The following HHEX variants were observed in gnomAD, a reference collection of about 807,000 sequenced individuals.
HHEX encodes the protein hematopoietically-expressed homeobox protein HHEX.
HHEX carries 8 observed loss-of-function variants against 27.0 expected under a neutral mutation model. The observed-to-expected ratio is 0.30, with a 90% CI of 0.17 to 0.54. The LOEUF (loss-of-function observed/expected upper bound fraction) is 0.54, where lower values mean the gene tolerates loss of function less well. Ranked by LOEUF, HHEX falls within the 20% of genes least tolerant of loss-of-function variation. The pLI is 0.95. For missense variants in HHEX, 326 were observed against 357.2 expected, an observed-to-expected ratio of 0.91 and a Z score of 0.70; for synonymous variants, 164 against 161.5, an observed-to-expected ratio of 1.02 and a Z score of -0.12.
At position 92,692,729 on chromosome 10, in the gene HHEX, G is replaced by T. The variant is rs1845370642; in HGVS notation, c.568G>T (p.Ala190Ser). Residue 190 changes from alanine to serine, a missense_variant, in exon 3 of 4, where the codon GCT (alanine) becomes TCT (serine). By Grantham distance (99) the Ala-to-Ser change is moderately conservative. Around this residue, in one of 4 missense-constraint regions of HHEX, gnomAD observed 3 missense variants for 21.1 expected, o/e 0.14. Transcript: ENST00000282728. ...QVKTWFQNRR[A>S]KWRRLKQENP... ...CAAAACCTGGTTTCAGAATCGACGCGCTAAATGGAGGAGACTAAAACAGGT... is the reference window on the plus strand; with the variant it reads ...CAAAACCTGGTTTCAGAATCGACGCTCTAAATGGAGGAGACTAAAACAGGT... 4 of 1,613,806 alleles carry T rather than the reference G, an allele frequency of 2.5e-6. No homozygotes were observed. The highest frequency in any genetic ancestry group is 3.4e-6 in the Non-Finnish European group (4 of 1,179,802).
intron 1 of HHEX, among the ~76,000 whole-genome samples, chr10:92,690,568 G>A (rs1845343712): frequency 3.9e-5 from 6 of 152,116 alleles, no homozygotes; most frequent in Admixed American, 3.9e-4. Context: ...CGGGGCGCGC[G>A]GGCCGGCGGT....
In HHEX at chr10:92,689,969, C is replaced by T. The variant is rs1054029496; in HGVS notation, c.-18C>T. 1.0e-5 allele frequency: 14 copies of T among 1,347,992 alleles called. No homozygotes were observed. Among genetic ancestry groups the T allele is most frequent in the Admixed American group, 4.1e-5 (1 of 24,246 alleles). 83.5% of individuals were successfully genotyped at this position (1,347,992 alleles called of 1,614,324 possible). On this transcript the variant is annotated 5_prime_UTR_variant, in exon 1 of 4. Transcript: ENST00000282728. ...CGCGGGCCAGCAGCTCTGCGAGGGGCCGGAGCGCGGCGGAGCCATGCAGTA... is the reference window on the plus strand; with the variant it reads ...CGCGGGCCAGCAGCTCTGCGAGGGGTCGGAGCGCGGCGGAGCCATGCAGTA...
In HHEX at chr10:92,694,578, T is replaced by A. The variant is rs746224197; in HGVS notation, c.623T>A (p.Leu208Gln). The change falls in exon 4 of 4, where the codon CTG becomes CAG. Residue 208 changes from leucine (L) to glutamine (Q), a missense_variant. This residue lies in a region of HHEX where 68 missense variants were observed against 84.9 expected (regional missense o/e 0.80). Transcript: ENST00000282728. ...ENPQSNKKEE[L>Q]ESLDSSCDQR... ...CCTCAAAGCAATAAAAAAGAAGAAC[T>A]GGAAAGTTTGGACAGTTCCTGTGAT... The A allele has an allele frequency of 3.1e-6, 5 of 1,613,924 alleles. No individual in the cohort carries two copies. The Admixed American group carries it at 8.3e-5, about 27-fold the overall frequency.
chr10:92,690,135 C>G lies in HHEX; in HGVS notation c.149C>G (p.Thr50Arg). The change falls in exon 1 of 4, where the codon ACG becomes AGG. Residue 50 changes from threonine (T) to arginine (R), a missense_variant. By Grantham distance (71) the Thr-to-Arg change is moderately conservative. Transcript: ENST00000282728. ...CCCGCCGCGCCCACGCCCGCCCCCA[C>G]GCTGCCGTCCCCCAACTCCTCCTTC... ...RGPAAPTPAP[T>R]LPSPNSSFTS... 6.5e-7 allele frequency: 1 copy of G among 1,549,174 alleles called. No individual in the cohort carries two copies. The highest frequency in any genetic ancestry group is 8.7e-7 in the Non-Finnish European group (1 of 1,146,468).
chr10:92,692,071 G>T lies in HHEX; in HGVS notation c.362-297G>T, dbSNP rs531182483. On this transcript the variant is annotated intron_variant, in intron 1 of 3. Coordinates refer to ENST00000282728, the MANE Select transcript of HHEX (RefSeq NM_002729.5). ...GGGTCGTGGTATTGTAAGCCCAGCC[G>T]GTAGTGCCCATTCTTTTTGGGGTTA... is the stretch of plus-strand genomic sequence containing the variant. 2.0e-5 allele frequency: 5 copies of T among 246,482 alleles called. No homozygotes were observed. In the South Asian group the frequency reaches 3.1e-4, roughly 15 times the overall value. The allele number at this position is 246,482 out of a possible 1,614,324, so 15.3% of individuals were successfully genotyped here.
chr10:92,693,795 G>C (rs1234824997), intron 3 of HHEX, among the ~76,000 whole-genome samples: 1 of 152,108 alleles, frequency 6.6e-6, no homozygotes. Flanking sequence ...ACAAGTATAG[G>C]ATTAAAAATT....
chr10:92,690,347 G>A lies in HHEX; in HGVS notation c.361G>A (p.Gly121Ser), dbSNP rs1384927212. The change falls in exon 1 of 4, where the codon GGC becomes AGC. Residue 121 changes from glycine to serine, a missense_variant and splice_region_variant. Coordinates refer to ENST00000282728, the MANE Select transcript of HHEX (RefSeq NM_002729.5). Reference protein sequence around the residue: ...THALLRHDPLGKPLLWSPFLQ... With the variant: ...THALLRHDPLSKPLLWSPFLQ... Reference sequence around the variant, plus strand: ...CGCCCTGCTCCGCCACGACCCCCTGGGTAAGGCGGCCGGGCGAGGGTGGGG... The same window carrying A: ...CGCCCTGCTCCGCCACGACCCCCTGAGTAAGGCGGCCGGGCGAGGGTGGGG... 1 of 1,461,252 alleles carries A rather than the reference G, an allele frequency of 6.8e-7. No homozygotes were observed. The allele number at this position is 1,461,252 out of a possible 1,614,324, so 90.5% of individuals were successfully genotyped here. A position where few individuals can be genotyped will look rare whatever the true frequency, so the allele number is the denominator to read the frequency against.
rs1845340162 is a variant in HHEX, at chr10:92,690,344, C to T, written c.358C>T (p.Leu120=). 3 of 1,462,928 alleles carry T rather than the reference C, an allele frequency of 2.1e-6. No individual in the cohort carries two copies. Among genetic ancestry groups the T allele is most frequent in the East Asian group, 2.8e-5 (1 of 35,482 alleles). The allele number at this position is 1,462,928 out of a possible 1,614,324, so 90.6% of individuals were successfully genotyped here. A position where few individuals can be genotyped will look rare whatever the true frequency, so the allele number is the denominator to read the frequency against. The change falls in exon 1 of 4, where the codon CTG becomes TTG. Residue 120 remains leucine, a synonymous_variant. Coordinates refer to ENST00000282728, the MANE Select transcript of HHEX (RefSeq NM_002729.5). ...GCACGCCCTGCTCCGCCACGACCCC[C>T]TGGGTAAGGCGGCCGGGCGAGGGTG... ...YTHALLRHDP[L]GKPLLWSPFL... is the part of the protein sequence containing the mutation.
Position 92,694,815 on chromosome 10 carries a change from G to GTTT in HHEX, c.*49_*51dup. 7.4e-7 allele frequency: 1 copy of GTTT among 1,360,454 alleles called. No individual in the cohort carries two copies. Among genetic ancestry groups the GTTT allele is most frequent in the African/African-American group, 1.4e-5 (1 of 69,994 alleles). 84.3% of individuals were successfully genotyped at this position (1,360,454 alleles called of 1,614,324 possible). A position where few individuals can be genotyped will look rare whatever the true frequency, so the allele number is the denominator to read the frequency against. On this transcript the variant is annotated 3_prime_UTR_variant, in exon 4 of 4. Coordinates refer to ENST00000282728, the MANE Select transcript of HHEX (RefSeq NM_002729.5). ...TCAGAAAACTGGATTTAGGAATAAT[G>GTTT]TTTTGCTACAGAAAATCTTCATAGA... is the stretch of plus-strand genomic sequence containing the variant.
intron 1 of HHEX, 146 bp downstream of exon 1, chr10:92,690,493 G>A (rs1845342823): frequency 7.8e-6 from 8 of 1,026,576 alleles, no homozygotes; most frequent in African/African-American, 6.9e-5. Flanking sequence ...CGCGGGGACG[G>A]GAGGCGCGCG....
chr10:92,693,217 G>A (rs1183390020), intron 3 of HHEX, among the ~76,000 whole-genome samples: 1 of 152,132 alleles, frequency 6.6e-6, no homozygotes, highest in Admixed American at 6.5e-5. Context: ...TTAAATGTCA[G>A]GGAGTTTAAA....
rs922658462 is a variant in HHEX, at chr10:92,695,074, G to A, written c.*306G>A. The A allele has an allele frequency of 7.4e-5, 17 of 230,948 alleles. No individual in the cohort carries two copies. The highest frequency in any genetic ancestry group is 2.3e-5 in the African/African-American group (1 of 43,346). The allele number at this position is 230,948 out of a possible 1,614,324, so 14.3% of individuals were successfully genotyped here. ...TCACTATTTATAAAAAATTAATTTTGAACTTTTTGTTAAATTTTTAAGTTA... is the reference window on the plus strand; with the variant it reads ...TCACTATTTATAAAAAATTAATTTTAAACTTTTTGTTAAATTTTTAAGTTA... On this transcript the variant is annotated 3_prime_UTR_variant, in exon 4 of 4. Coordinates refer to ENST00000282728, the MANE Select transcript of HHEX (RefSeq NM_002729.5).
chr10:92,692,665 G>C lies in HHEX; in HGVS notation c.541-37G>C, dbSNP rs753742389. ...CCTGCCCTCTGGCACGTCCCGACGC[G>C]GGCTCGTTGCAAGTTTTCTTTCTCT... On this transcript the variant is annotated intron_variant, in intron 2 of 3. Transcript: ENST00000282728. 12 of 1,610,978 alleles carry C rather than the reference G, an allele frequency of 7.4e-6. No individual in the cohort carries two copies. The African/African-American group carries it at 1.3e-4, about 18-fold the overall frequency.
intron 1 of HHEX, 101 bp from the exon 2 acceptor site, chr10:92,692,266 TG>T: frequency 8.4e-7 from 1 of 1,194,320 alleles, no homozygotes; most frequent in Non-Finnish European, 1.2e-6. Flanking sequence ...TCTGGTTGGG[TG>T]GCCTCCTGGC....
chr10:92,693,599 C>G (rs138736109), intron 3 of HHEX, among the ~76,000 whole-genome samples: 178 of 152,130 alleles, frequency 1.2e-3, no homozygotes, highest in African/African-American at 3.3e-3. Flanking sequence ...AAGAAAGTGT[C>G]CCAAAGAATA....
At chr10:92,694,109 C>A (rs1447848359) in intron 3 of HHEX, among the ~76,000 whole-genome samples, 1 of 152,122 alleles carries the variant, frequency 6.6e-6, no homozygotes, top group African/African-American at 2.4e-5. Flanking sequence ...TCTTAATTCA[C>A]CAGTTAGCAT....
Position 92,690,248 on chromosome 10 carries a change from G to A in HHEX, c.262G>A (p.Ala88Thr), listed in dbSNP as rs769590079. The change falls in exon 1 of 4, where the codon GCC (alanine) becomes ACC (threonine). Residue 88 changes from alanine to threonine, a missense_variant. Physicochemically the swap from Ala to Thr is moderately conservative, Grantham distance 58 (BLOSUM62 0). This residue lies in a region of HHEX where 215 missense variants were observed against 196.4 expected (regional missense o/e 1.09). Transcript: ENST00000282728. ...CTCGCACCACTCCGCCGCCGCGCTG[G>A]CCGCTGCCTACGGACCCGGCGGCTT... Reference protein sequence around the residue: ...AFSHHSAAALAAAYGPGGFGG... With the variant: ...AFSHHSAAALTAAYGPGGFGG... 6.4e-7 allele frequency: 1 copy of A among 1,563,752 alleles called. No homozygotes were observed. Among genetic ancestry groups the A allele is most frequent in the South Asian group, 1.2e-5 (1 of 85,096 alleles).
At chr10:92,694,073 A>T (rs1209218298) in intron 3 of HHEX, among the ~76,000 whole-genome samples, 1 of 152,208 alleles carries the variant, frequency 6.6e-6, no homozygotes, top group African/African-American at 2.4e-5. Context: ...ATGAAAAAAG[A>T]TCCAGTCTAA....
intron 3 of HHEX, among the ~76,000 whole-genome samples, chr10:92,693,088 T>C (rs1235073258): frequency 6.6e-6 from 1 of 152,230 alleles, no homozygotes; most frequent in Non-Finnish European, 1.5e-5. Flanking sequence ...TAAGCAGTTA[T>C]CTTTGGGAGA....
Sources: allele counts gnomAD v4.1 joint callset (sites outside exome capture counted in the v4.1 genomes callset), GRCh38; gene constraint gnomAD v4.1.1; regional missense constraint gnomAD v4.1.1; transcripts MANE v1.5; gene names NCBI Gene and HGNC (gene_info 2026-07-23, HGNC 2026-07-21).